Variants in CDC42SE2 observed in about 807,000 individuals in gnomAD.
The protein encoded by CDC42SE2 is CDC42 small effector protein 2.
CDC42SE2 carries 3 observed loss-of-function variants against 11.5 expected under a neutral mutation model. That is an observed-to-expected ratio of 0.26 (90% confidence interval 0.12 to 0.67). The LOEUF (loss-of-function observed/expected upper bound fraction) is 0.67, where lower values mean the gene tolerates loss of function less well. CDC42SE2 is among the 30% of genes least tolerant of loss of function. The pLI is 0.80. For missense variants in CDC42SE2, 82 were observed against 106.8 expected (o/e 0.77, Z 1.02); for synonymous variants, 33 against 34.8 (o/e 0.95, Z 0.18).
chr5:131,377,325 C>T (rs1750184516), intron 3 of CDC42SE2, among the ~76,000 whole-genome samples: 2 of 151,974 alleles, frequency 1.3e-5, no homozygotes, highest in African/African-American at 2.4e-5. Context: ...TGTGCCACCA[C>T]ACCTGGCTAA....
chr5:131,342,971 C>G (rs1758748684), intron 2 of CDC42SE2, among the ~76,000 whole-genome samples: 1 of 152,068 alleles, frequency 6.6e-6, no homozygotes, highest in Non-Finnish European at 1.5e-5. Context: ...CTTCAGCTTT[C>G]CAATGTGTAT....
intron 2 of CDC42SE2, among the ~76,000 whole-genome samples, chr5:131,348,814 A>C (rs530911402): frequency 6.6e-6 from 1 of 150,560 alleles, no homozygotes; most frequent in Non-Finnish European, 1.5e-5. Flanking sequence ...ATGGAATAGA[A>C]GAGCCCCCGG....
intron 2 of CDC42SE2, among the ~76,000 whole-genome samples, chr5:131,333,234 C>T (rs1461574510): frequency 6.6e-6 from 1 of 152,140 alleles, no homozygotes; most frequent in African/African-American, 2.4e-5. Context: ...AATCCTTTCC[C>T]CATTTCTTCT....
At chr5:131,255,165 A>G (rs1756670802) in exon 2 of CDC42SE2, 1 of 152,240 alleles carries the variant, frequency 6.6e-6, no homozygotes, top group African/African-American at 2.4e-5. Context: ...GTCGGGTACC[A>G]TAGTCACTAG....
intron 1 of CDC42SE2, among the ~76,000 whole-genome samples, chr5:131,302,821 CTCTT>C (rs1322578599): frequency 6.7e-6 from 1 of 149,512 alleles, no homozygotes; most frequent in Admixed American, 6.7e-5. Context: ...TGCCTCATGA[CTCTT>C]TTTTTTTTTT....
intron 2 of CDC42SE2, among the ~76,000 whole-genome samples, chr5:131,351,562 G>A (rs1759012407): frequency 6.6e-6 from 1 of 152,152 alleles, no homozygotes; most frequent in African/African-American, 2.4e-5. Flanking sequence ...CCTCAGCCCT[G>A]ATTTTCAATA....
chr5:131,379,273 C>A (rs1172577856), intron 3 of CDC42SE2, among the ~76,000 whole-genome samples: 1 of 152,178 alleles, frequency 6.6e-6, no homozygotes, highest in Non-Finnish European at 1.5e-5. Flanking sequence ...TCAGGCTGTA[C>A]CATCTTTTAC....
At chr5:131,234,529 G>A in the CDC42SE2 span, among the ~76,000 whole-genome samples, 2 of 151,710 alleles carry the variant, frequency 1.3e-5, no homozygotes, top group Non-Finnish European at 2.9e-5. Flanking sequence ...CCAGCTACTC[G>A]GGAGGCTGAG....
chr5:131,381,913 T>G, intron 3 of CDC42SE2, among the ~76,000 whole-genome samples: 1 of 152,244 alleles, frequency 6.6e-6, no homozygotes. Flanking sequence ...CTTACTATTT[T>G]CATCTTAGGT....
At chr5:131,370,916 A>G (rs1297881817) in intron 3 of CDC42SE2, among the ~76,000 whole-genome samples, 2 of 152,162 alleles carry the variant, frequency 1.3e-5, no homozygotes, top group Non-Finnish European at 2.9e-5. Flanking sequence ...TCTGATTCTC[A>G]CGTGGCCTTG....
At chr5:131,330,145 T>A (rs1242513460) in intron 2 of CDC42SE2, among the ~76,000 whole-genome samples, 1 of 152,102 alleles carries the variant, frequency 6.6e-6, no homozygotes, top group Non-Finnish European at 1.5e-5. Flanking sequence ...GTCCGGTGAT[T>A]TGGCTAGGAA....
At chr5:131,221,639 T>G in the CDC42SE2 span, among the ~76,000 whole-genome samples, 3 of 152,076 alleles carry the variant, frequency 2.0e-5, no homozygotes, top group Non-Finnish European at 4.4e-5. Context: ...AGAATACCCA[T>G]TCTTTTTTTT....
chr5:131,333,616 A>C (rs1441277525), intron 2 of CDC42SE2, among the ~76,000 whole-genome samples: 6 of 152,140 alleles, frequency 3.9e-5, no homozygotes, highest in Non-Finnish European at 2.9e-5. Flanking sequence ...ATGTTCTTCC[A>C]TTTGTTTGTA....
intron 1 of CDC42SE2, among the ~76,000 whole-genome samples, chr5:131,315,086 A>G (rs771728451): frequency 6.6e-6 from 1 of 151,924 alleles, no homozygotes; most frequent in African/African-American, 2.4e-5. Context: ...AGCGGAATAT[A>G]TGGATTATGG....
chr5:131,235,994 C>A, the CDC42SE2 span, among the ~76,000 whole-genome samples: 1 of 152,118 alleles, frequency 6.6e-6, no homozygotes, highest in East Asian at 1.9e-4. Flanking sequence ...AGTTAAAAAC[C>A]GTTTTTTATA....
chr5:131,374,530 A>C (rs75854383), intron 3 of CDC42SE2, among the ~76,000 whole-genome samples: 1 of 85,070 alleles, frequency 1.2e-5, no homozygotes, highest in African/African-American at 4.5e-5. Flanking sequence ...GACTGTCTCA[A>C]AAAAAAAAAA....
intron 2 of CDC42SE2, among the ~76,000 whole-genome samples, chr5:131,339,600 A>C (rs1375979616): frequency 6.6e-6 from 1 of 152,052 alleles, no homozygotes; most frequent in African/African-American, 2.4e-5. Flanking sequence ...TCAGGTCAGG[A>C]GTTTGAGACC....
the CDC42SE2 span, among the ~76,000 whole-genome samples, chr5:131,219,981 A>G: frequency 9.2e-5 from 14 of 152,296 alleles, no homozygotes; most frequent in African/African-American, 3.4e-4. Flanking sequence ...AGCAACTGTA[A>G]TATAGATATC....
intron 1 of CDC42SE2, among the ~76,000 whole-genome samples, chr5:131,288,842 C>G (rs1324257345): frequency 1.3e-5 from 2 of 152,154 alleles, no homozygotes; most frequent in African/African-American, 4.8e-5. Context: ...TTTGGAGGAG[C>G]AAGGAATGAG....
Sources: allele counts gnomAD v4.1 joint callset (sites outside exome capture counted in the v4.1 genomes callset), GRCh38; gene constraint gnomAD v4.1.1; transcripts MANE v1.5; gene names NCBI Gene and HGNC (gene_info 2026-07-23, HGNC 2026-07-21).